The following TMEM50B variants were observed in gnomAD, a reference collection of about 807,000 sequenced individuals.
TMEM50B encodes the protein transmembrane protein 50B.
In TMEM50B, 14 loss-of-function variants were observed where a neutral mutation model predicts 23.4. That is an observed-to-expected ratio of 0.60 (90% confidence interval 0.39 to 0.93). The LOEUF (loss-of-function observed/expected upper bound fraction) is 0.93. Ranked by LOEUF, TMEM50B falls within the 40% of genes least tolerant of loss-of-function variation. The pLI, the probability that TMEM50B is intolerant of heterozygous loss-of-function variation, is 0.00. For synonymous variants in TMEM50B, 64 were observed against 62.3 expected (o/e 1.03, Z -0.13); for missense variants, 159 against 193.0 (o/e 0.82, Z 1.04).
intron 1 of TMEM50B, among the ~76,000 whole-genome samples, chr21:33,474,600 C>T (rs1472783431): frequency 6.8e-6 from 1 of 147,110 alleles, no homozygotes; most frequent in African/African-American, 2.5e-5. Context: ...CCTGGTGAAA[C>T]CCTGTCTCTA....
At chr21:33,453,026 T>G (rs1471604782) in intron 6 of TMEM50B, among the ~76,000 whole-genome samples, 2 of 152,192 alleles carry the variant, frequency 1.3e-5, no homozygotes, top group African/African-American at 2.4e-5. Flanking sequence ...TGGCATAGAT[T>G]AGACATTGCA....
intron 4 of TMEM50B, among the ~76,000 whole-genome samples, chr21:33,464,674 G>A (rs1329993291): frequency 1.3e-5 from 2 of 150,348 alleles, no homozygotes; most frequent in Non-Finnish European, 3.0e-5. Flanking sequence ...GCATGGTGGC[G>A]CATGCCTGAA....
intron 8 of TMEM50B, among the ~76,000 whole-genome samples, chr21:33,436,636 C>T (rs951205920): frequency 5.3e-5 from 8 of 151,394 alleles, no homozygotes; most frequent in South Asian, 2.1e-4. Context: ...GCAGGAGAAT[C>T]GCTTGAACCT....
intron 4 of TMEM50B, chr21:33,465,109 A>T: frequency 2.4e-6 from 1 of 413,470 alleles, no homozygotes; most frequent in Non-Finnish European, 4.3e-6. Context: ...CCATTTGAAT[A>T]GCAACATTTT....
intron 8 of TMEM50B, among the ~76,000 whole-genome samples, chr21:33,436,460 C>T (rs1179988282): frequency 1.3e-5 from 2 of 152,158 alleles, no homozygotes; most frequent in Non-Finnish European, 2.9e-5. Flanking sequence ...TAGTGGCTCA[C>T]GCCTATAATC....
intron 8 of TMEM50B, among the ~76,000 whole-genome samples, chr21:33,436,565 A>C (rs1209998356): frequency 1.3e-5 from 2 of 151,994 alleles, no homozygotes; most frequent in Non-Finnish European, 2.9e-5. Context: ...TCTACTAAAA[A>C]TACAAAATTA....
chr21:33,448,093 A>G (rs1231771894), downstream of TMEM50B, among the ~76,000 whole-genome samples: 1 of 151,338 alleles, frequency 6.6e-6, no homozygotes, highest in Non-Finnish European at 1.5e-5. Context: ...CCCGGGTTCA[A>G]GCAATTCTCC....
chr21:33,446,669 A>AC (rs1396950258), downstream of TMEM50B, among the ~76,000 whole-genome samples: 173 of 148,696 alleles, frequency 1.2e-3, 2 homozygotes, highest in Middle Eastern at 3.4e-3. Context: ...AAAAAAAAAA[A>AC]AAAAAAAAAC....
In TMEM50B at chr21:33,472,028, C is replaced by CT. The variant is rs566047513; in HGVS notation, c.-41-3103dup. Among the ~76,000 whole-genome samples, 294 of 126,380 alleles carry CT rather than the reference C, an allele frequency of 2.3e-3. 1 individual carries two copies. The highest frequency in any genetic ancestry group is 7.7e-3 in the African/African-American group (282 of 36,440). 82.9% of individuals were successfully genotyped at this position (126,380 alleles called of 152,430 possible). ...GCCTGGGCAACAGAGCGAGACTCCC[C>CT]TAAAAAAAAAAAAAAAGAAAGAAAG... On this transcript the variant is annotated intron_variant, in intron 1 of 6. Coordinates refer to ENST00000542230, the MANE Select transcript of TMEM50B (RefSeq NM_006134.7).
intron 1 of TMEM50B, among the ~76,000 whole-genome samples, chr21:33,474,175 G>T (rs1173572421): frequency 6.7e-6 from 1 of 148,230 alleles, no homozygotes; most frequent in African/African-American, 2.5e-5. Flanking sequence ...ACAAAGCTGT[G>T]TTTTTTGGGG....
chr21:33,444,803 C>CAAAAAAAAAAAAAAAAA (rs60816843), downstream of TMEM50B, among the ~76,000 whole-genome samples: 15 of 96,266 alleles, frequency 1.6e-4, no homozygotes, highest in African/African-American at 1.8e-4. Flanking sequence ...CATCTCTTTA[C>CAAAAAAAAAAAAAAAAA]AAAAAAAAAA....
chr21:33,478,068 G>A (rs373223107), intron 1 of TMEM50B, among the ~76,000 whole-genome samples: 5 of 151,100 alleles, frequency 3.3e-5, no homozygotes, highest in South Asian at 2.1e-4. Flanking sequence ...CCAGGACGTG[G>A]AGCTTGCAGT....
At chr21:33,442,366 G>A (rs998465261) in intron 7 of TMEM50B, among the ~76,000 whole-genome samples, 39 of 152,160 alleles carry the variant, frequency 2.6e-4, no homozygotes, top group African/African-American at 7.5e-4. Context: ...AGAGGGTATG[G>A]AAACTGGTCA....
intron 1 of TMEM50B, among the ~76,000 whole-genome samples, chr21:33,471,610 G>A (rs1249619251): frequency 2.5e-4 from 38 of 152,164 alleles, no homozygotes. Context: ...GTGATGGCTT[G>A]CACCTGTAAT....
At chr21:33,462,587 G>T (rs2084226647) in intron 4 of TMEM50B, among the ~76,000 whole-genome samples, 2 of 152,126 alleles carry the variant, frequency 1.3e-5, no homozygotes, top group Admixed American at 1.3e-4. Context: ...GGGGAGGATT[G>T]CTTGAGCCCA....
At chr21:33,444,803 C>CAAAAAAAAAAAAAAAAAAA (rs60816843), downstream of TMEM50B, among the ~76,000 whole-genome samples, 1 of 96,330 alleles carries the variant, frequency 1.0e-5, no homozygotes, top group Non-Finnish European at 1.9e-5. Flanking sequence ...CATCTCTTTA[C>CAAAAAAAAAAAAAAAAAAA]AAAAAAAAAA....
At chr21:33,459,565 G>T (rs1372307446) in intron 5 of TMEM50B, among the ~76,000 whole-genome samples, 1 of 151,848 alleles carries the variant, frequency 6.6e-6, no homozygotes, top group Non-Finnish European at 1.5e-5. Context: ...CTACTTGGGA[G>T]GCTGAGACAG....
chr21:33,458,470 C>T (rs1220539548), intron 5 of TMEM50B, among the ~76,000 whole-genome samples: 21 of 152,086 alleles, frequency 1.4e-4, no homozygotes, highest in African/African-American at 4.6e-4. Flanking sequence ...GCCGAGATCA[C>T]GCCACTGCAC....
At chr21:33,475,825 G>C (rs138456477) in intron 1 of TMEM50B, among the ~76,000 whole-genome samples, 8,302 of 152,066 alleles carry the variant, frequency 0.055, 273 homozygotes, top group Non-Finnish European at 0.084. Flanking sequence ...GTGGTGGCAC[G>C]CACCTGTAGT....
Sources: allele counts gnomAD v4.1 joint callset (sites outside exome capture counted in the v4.1 genomes callset), GRCh38; gene constraint gnomAD v4.1.1; transcripts MANE v1.5; gene names NCBI Gene and HGNC (gene_info 2026-07-23, HGNC 2026-07-21).